Variants in ANKRD17 observed in about 807,000 individuals in gnomAD.
ANKRD17 encodes ankyrin repeat domain 17, also known as ankyrin repeat domain-containing protein 17.
Under a neutral mutation model 229.7 loss-of-function variants are expected in ANKRD17, and 19 were observed. The ratio of observed to expected loss-of-function variants is 0.08; its 90% confidence interval spans 0.06 to 0.12. The LOEUF is 0.12. ANKRD17 is among the 10% of genes least tolerant of loss of function. ANKRD17 has a pLI of 1.00. For synonymous variants in ANKRD17, 1,112 were observed against 1,146.1 expected, an observed-to-expected ratio of 0.97 and a Z score of 0.60; for missense variants, 2,176 against 3,176.8, an observed-to-expected ratio of 0.68 and a Z score of 7.57.
intron 1 of ANKRD17, among the ~76,000 whole-genome samples, chr4:73,226,423 C>T (rs1275149635): frequency 2.0e-4 from 21 of 105,288 alleles, no homozygotes; most frequent in Non-Finnish European, 2.6e-4. Flanking sequence ...GAGACGGAGT[C>T]TCGCACTGTC....
At chr4:73,159,939 T>A (rs1732272885) in intron 3 of ANKRD17, among the ~76,000 whole-genome samples, 1 of 151,498 alleles carries the variant, frequency 6.6e-6, no homozygotes, top group Non-Finnish European at 1.5e-5. Context: ...ACCTTGTTAA[T>A]ACTATCTAAC....
At chr4:73,114,096 A>T (rs910025924) in intron 23 of ANKRD17, among the ~76,000 whole-genome samples, 188 bp from the exon 24 acceptor site, 1 of 152,220 alleles carries the variant, frequency 6.6e-6, no homozygotes, top group African/African-American at 2.4e-5. Flanking sequence ...ACAAATGAAG[A>T]ATCAAAGAGT....
intron 30 of ANKRD17, among the ~76,000 whole-genome samples, chr4:73,084,979 G>A (rs113944544): frequency 1.2e-3 from 186 of 152,046 alleles, no homozygotes; most frequent in African/African-American, 4.1e-3. Flanking sequence ...GGAGTTTGAC[G>A]AAACCAGCGA....
intron 2 of ANKRD17, among the ~76,000 whole-genome samples, chr4:73,170,861 C>T (rs1733898043): frequency 6.6e-6 from 1 of 152,018 alleles, no homozygotes; most frequent in African/African-American, 2.4e-5. Flanking sequence ...GTACAATAGA[C>T]CCTCATTAGA....
chr4:73,119,558 A>G (rs1256968267), intron 21 of ANKRD17, among the ~76,000 whole-genome samples: 1 of 152,228 alleles, frequency 6.6e-6, no homozygotes, highest in Non-Finnish European at 1.5e-5. Context: ...GCATTCATTC[A>G]GTGGGCATGA....
intron 3 of ANKRD17, among the ~76,000 whole-genome samples, chr4:73,159,000 C>G (rs1280269107): frequency 3.3e-5 from 5 of 152,228 alleles, no homozygotes; most frequent in African/African-American, 1.2e-4. Flanking sequence ...GAAAATGAAC[C>G]AAGATGACCT....
intron 2 of ANKRD17, among the ~76,000 whole-genome samples, chr4:73,169,753 T>C (rs904493901): frequency 2.0e-5 from 3 of 152,192 alleles, no homozygotes; most frequent in African/African-American, 7.2e-5. Context: ...CAAAGAACTG[T>C]GCAACTGTAA....
At chr4:73,094,965 G>A (rs1158777644) in intron 27 of ANKRD17, among the ~76,000 whole-genome samples, 1 of 152,046 alleles carries the variant, frequency 6.6e-6, no homozygotes, top group Non-Finnish European at 1.5e-5. Flanking sequence ...TATGTCAGGA[G>A]TTCGAGACCA....
At chr4:73,152,113 G>T (rs1578202458) in intron 6 of ANKRD17, among the ~76,000 whole-genome samples, 1 of 152,074 alleles carries the variant, frequency 6.6e-6, no homozygotes, top group East Asian at 1.9e-4. Flanking sequence ...TTCATTTAAA[G>T]ATACAAGTGG....
intron 29 of ANKRD17, among the ~76,000 whole-genome samples, chr4:73,089,277 C>T (rs888446937): frequency 5.9e-5 from 9 of 151,940 alleles, no homozygotes; most frequent in East Asian, 1.9e-4. Context: ...CTTAAGCAAT[C>T]GACCCACCTC....
intron 18 of ANKRD17, among the ~76,000 whole-genome samples, chr4:73,123,561 A>G (rs1727036298): frequency 6.6e-6 from 1 of 152,080 alleles, no homozygotes; most frequent in Non-Finnish European, 1.5e-5. Context: ...TAAGGGAACA[A>G]AAATTATGGA....
intron 1 of ANKRD17, among the ~76,000 whole-genome samples, chr4:73,248,761 AT>A (rs566637282): frequency 3.3e-5 from 5 of 151,884 alleles, no homozygotes; most frequent in Non-Finnish European, 7.4e-5. Flanking sequence ...TTTAAATATA[AT>A]TTTTTTTCAT....
chr4:73,074,079 T>A lies in ANKRD17; in HGVS notation c.*2152A>T, dbSNP rs1241866553. 6.6e-6 allele frequency: 1 copy of A among 151,992 alleles called. No homozygotes were observed. 9.4% of individuals were successfully genotyped at this position (151,992 alleles called of 1,614,324 possible). A position where few individuals can be genotyped will look rare whatever the true frequency, so the allele number is the denominator to read the frequency against. The stretch of plus-strand genomic sequence containing the variant: ...TTCCTAGTACAGACTTCTAAAACCA[T>A]GGTATTGTACTAAACAAGCCTGATC... On this transcript the variant is annotated 3_prime_UTR_variant, in exon 34 of 34. Coordinates refer to ENST00000358602, the MANE Select transcript of ANKRD17 (RefSeq NM_032217.5).
At chr4:73,223,568 A>C (rs1742133906) in intron 1 of ANKRD17, among the ~76,000 whole-genome samples, 1 of 152,208 alleles carries the variant, frequency 6.6e-6, no homozygotes, top group African/African-American at 2.4e-5. Flanking sequence ...ATCCTAATGT[A>C]GATTTTTTAA....
At chr4:73,257,379 T>C (rs957601303) in intron 1 of ANKRD17, among the ~76,000 whole-genome samples, 1 of 152,128 alleles carries the variant, frequency 6.6e-6, no homozygotes, top group African/African-American at 2.4e-5. Flanking sequence ...AATTATAAAG[T>C]TATTATGAAA....
Position 73,202,547 on chromosome 4 carries a change from C to T in ANKRD17, c.394-25014G>A, listed in dbSNP as rs149334739. On this transcript the variant is annotated intron_variant, in intron 1 of 33. Transcript: ENST00000358602. ...CTAACCAGCCAGAGGAGAGAGATTTCATTGAACACATAGGTATTTAGCAGA... is the reference window on the plus strand; with the variant it reads ...CTAACCAGCCAGAGGAGAGAGATTTTATTGAACACATAGGTATTTAGCAGA... 3.3e-5 allele frequency among the ~76,000 whole-genome samples: 5 copies of T among 152,124 alleles called. No homozygotes were observed. In the East Asian group the frequency reaches 9.7e-4, roughly 29 times the overall value.
At chr4:73,137,073 C>T (rs540402519) in intron 15 of ANKRD17, among the ~76,000 whole-genome samples, 3 of 147,206 alleles carry the variant, frequency 2.0e-5, no homozygotes, top group South Asian at 2.2e-4. Context: ...TCATTTCCTT[C>T]GGGGTACCTA....
intron 2 of ANKRD17, among the ~76,000 whole-genome samples, chr4:73,163,421 C>G (rs970156466): frequency 6.6e-6 from 1 of 152,282 alleles, no homozygotes; most frequent in South Asian, 2.1e-4. Context: ...CTACGATGTA[C>G]TGATCCAAAA....
chr4:73,207,962 G>A (rs1382868182), intron 1 of ANKRD17, among the ~76,000 whole-genome samples: 1 of 152,134 alleles, frequency 6.6e-6, no homozygotes, highest in African/African-American at 2.4e-5. Context: ...GCCGAGGCAG[G>A]TGGATCACGA....
Sources: gnomAD v4.1 joint callset for allele counts (sites outside exome capture counted in the v4.1 genomes callset) on GRCh38, gnomAD v4.1.1 for gene constraint, MANE v1.5 for transcripts, NCBI Gene and HGNC (gene_info 2026-07-23, HGNC 2026-07-21) for gene names.